The following NME5 variants were observed in gnomAD, a reference collection of about 807,000 sequenced individuals.
The protein encoded by NME5 is nucleoside diphosphate kinase 5.
In NME5, 18 loss-of-function variants were observed where a neutral mutation model predicts 21.6. That is an observed-to-expected ratio of 0.83 (90% CI 0.58 to 1.24). The LOEUF (loss-of-function observed/expected upper bound fraction) is 1.24, where lower values mean the gene tolerates loss of function less well. Ranked by LOEUF, NME5 falls within the 50% of genes most tolerant of loss-of-function variation. NME5 has a pLI of 0.00. For missense variants in NME5, 223 were observed against 255.4 expected (o/e 0.87, Z 0.86); for synonymous variants, 70 against 80.6 (o/e 0.87, Z 0.71).
At chr5:138,128,655 G>T in intron 3 of NME5, 76 bp from the exon 4 acceptor site, 1 of 953,656 alleles carries the variant, frequency 1.0e-6, no homozygotes, top group Non-Finnish European at 1.6e-6. Context: ...TTCCACTTAA[G>T]AATTTTACAA....
chr5:138,116,887 C>T (rs1407312964), intron 5 of NME5, among the ~76,000 whole-genome samples: 2 of 152,050 alleles, frequency 1.3e-5, no homozygotes, highest in East Asian at 1.9e-4. Flanking sequence ...CACAATGGAC[C>T]AATGACCTAA....
intron 2 of NME5, among the ~76,000 whole-genome samples, chr5:138,130,693 G>A (rs973949774): frequency 1.3e-5 from 2 of 151,982 alleles, no homozygotes; most frequent in African/African-American, 4.8e-5. Flanking sequence ...GGGAGGCCGA[G>A]GTGGGTGGAT....
At chr5:138,125,575 T>TG (rs1751379381) in intron 4 of NME5, among the ~76,000 whole-genome samples, 2 of 152,142 alleles carry the variant, frequency 1.3e-5, no homozygotes, top group Non-Finnish European at 2.9e-5. Context: ...AGAGACCCTG[T>TG]GACCACCCCC....
intron 2 of NME5, among the ~76,000 whole-genome samples, chr5:138,134,637 C>A (rs995209760): frequency 6.6e-6 from 1 of 152,166 alleles, no homozygotes; most frequent in African/African-American, 2.4e-5. Context: ...GCCTCATCCT[C>A]CCAAAGTGCT....
At chr5:138,119,973 G>A (rs1037909563) in intron 4 of NME5, among the ~76,000 whole-genome samples, 42 of 149,780 alleles carry the variant, frequency 2.8e-4, no homozygotes, top group Non-Finnish European at 5.2e-4. Context: ...GTCTTGCTCC[G>A]TTGCCCAGTC....
chr5:138,134,681 A>C (rs982382119), intron 2 of NME5, among the ~76,000 whole-genome samples: 6 of 151,020 alleles, frequency 4.0e-5, no homozygotes, highest in Non-Finnish European at 7.4e-5. Flanking sequence ...CGGCCGGCTA[A>C]TTTTTAATTT....
chr5:138,138,934 T>C (rs1751795148), intron 1 of NME5, 149 bp from the exon 2 acceptor site: 10 of 721,068 alleles, frequency 1.4e-5, no homozygotes, highest in Admixed American at 2.8e-5. Context: ...AGGTAGAAAC[T>C]GCCATGTTTT....
chr5:138,137,172 T>C (rs897561681), intron 2 of NME5, among the ~76,000 whole-genome samples: 4 of 152,180 alleles, frequency 2.6e-5, no homozygotes, highest in Admixed American at 6.5e-5. Flanking sequence ...TTCCTAACAT[T>C]TACTAAAAAG....
At chr5:138,120,290 G>A (rs1280376956) in intron 4 of NME5, among the ~76,000 whole-genome samples, 2 of 139,638 alleles carry the variant, frequency 1.4e-5, no homozygotes, top group Admixed American at 1.5e-4. Flanking sequence ...CTGGAGTGCA[G>A]TGCCGCGATC....
chr5:138,119,413 G>T (rs1299563105), intron 4 of NME5, among the ~76,000 whole-genome samples: 1 of 151,986 alleles, frequency 6.6e-6, no homozygotes, highest in African/African-American at 2.4e-5. Flanking sequence ...GGCCAGGCTG[G>T]TCTCAAACTC....
Position 138,115,525 on chromosome 5 carries a change from C to T in NME5, c.*156G>A. 2.1e-6 allele frequency: 1 copy of T among 468,556 alleles called. No homozygotes were observed. Among genetic ancestry groups the T allele is most frequent in the East Asian group, 3.3e-5 (1 of 30,744 alleles). 29.0% of individuals were successfully genotyped at this position (468,556 alleles called of 1,614,324 possible). On this transcript the variant is annotated 3_prime_UTR_variant, in exon 6 of 6. Transcript: ENST00000265191. ...CTATATTTTACCTTAATGTTATCTG[C>T]TTCATAGAATAGTTATTCCTTTAAC... is the stretch of plus-strand genomic sequence containing the variant.
rs1751507019 is a variant in NME5 at position 138,129,374 on chromosome 5, C to T, written c.224G>A (p.Ser75Asn). 4.3e-6 allele frequency: 7 copies of T among 1,613,810 alleles called. No individual in the cohort carries two copies. Among genetic ancestry groups the T allele is most frequent in the Non-Finnish European group, 5.9e-6 (7 of 1,179,866 alleles). Residue 75 changes from serine (S) to asparagine (N), a missense_variant, in exon 3 of 6, where the codon AGT becomes AAT. Ser to Asn is a conservative substitution (Grantham distance 46). Coordinates refer to ENST00000265191, the MANE Select transcript of NME5 (RefSeq NM_003551.3). ...TATCATGGCGACAAGTGGTCCAGAA[C>T]TCATGTAAGCTGTTAAGTTGGGGAA... The part of the protein sequence containing the change: ...MFFPNLTAYM[S>N]SGPLVAMILA...
At chr5:138,125,256 G>A (rs941129649) in intron 4 of NME5, among the ~76,000 whole-genome samples, 24 of 152,178 alleles carry the variant, frequency 1.6e-4, no homozygotes, top group African/African-American at 5.8e-4. Flanking sequence ...CATTTTGATA[G>A]CAGGGATATC....
In NME5 at chr5:138,135,602, T is replaced by G. The variant is rs568082258; in HGVS notation, c.129+3050A>C. On this transcript the variant is annotated intron_variant, in intron 2 of 5. Coordinates refer to ENST00000265191, the MANE Select transcript of NME5 (RefSeq NM_003551.3). ...CACCCGCCTTGGCCTCCCAAAGTGC[T>G]GGGTTTACAGGCATGAGCCACTGCA... Among the ~76,000 whole-genome samples, 16 of 152,228 alleles carry G rather than the reference T, an allele frequency of 1.1e-4. No individual in the cohort carries two copies. The East Asian group carries it at 2.9e-3, about 28-fold the overall frequency.
In NME5 at chr5:138,128,701, A is replaced by G. The variant is rs1751490414; in HGVS notation, c.336-122T>C. On this transcript the variant is annotated intron_variant, in intron 3 of 5. Coordinates refer to ENST00000265191, the MANE Select transcript of NME5 (RefSeq NM_003551.3). Reference sequence around the variant, plus strand: ...ACTTCTTACATATGAAAGCTTCACAATTTATGTCAAATTTAAGCTTAAATT... The same window carrying G: ...ACTTCTTACATATGAAAGCTTCACAGTTTATGTCAAATTTAAGCTTAAATT... The G allele has an allele frequency of 4.3e-5, 26 of 607,618 alleles. 1 individual carries two copies. In the South Asian group the frequency reaches 5.9e-4, roughly 14 times the overall value. The allele number at this position is 607,618 out of a possible 1,614,324, so 37.6% of individuals were successfully genotyped here.
At chr5:138,122,441 T>TA (rs70979581) in intron 4 of NME5, among the ~76,000 whole-genome samples, 29 of 34,458 alleles carry the variant, frequency 8.4e-4, no homozygotes, top group Admixed American at 2.4e-3. Flanking sequence ...ACTCTGTCTC[T>TA]AAAAAAAAAA....
chr5:138,119,991 T>C (rs1751247947), intron 4 of NME5, among the ~76,000 whole-genome samples: 1 of 151,968 alleles, frequency 6.6e-6, no homozygotes, highest in Non-Finnish European at 1.5e-5. Flanking sequence ...GTCTGGAGTG[T>C]GGTGGTGTGA....
At chr5:138,117,067 G>T (rs1751173264) in intron 5 of NME5, among the ~76,000 whole-genome samples, 1 of 151,698 alleles carries the variant, frequency 6.6e-6, no homozygotes. Context: ...AAATTAGCTG[G>T]GTGTGGTAGT....
intron 3 of NME5, 97 bp downstream of exon 3, chr5:138,129,166 T>TA (rs201748054): frequency 4.4e-3 from 4,214 of 957,956 alleles, no homozygotes; most frequent in Non-Finnish European, 5.1e-3. Flanking sequence ...AACTTCCAAA[T>TA]AAAAAAAAAA....
Sources: allele counts gnomAD v4.1 joint callset (sites outside exome capture counted in the v4.1 genomes callset), GRCh38; gene constraint gnomAD v4.1.1; transcripts MANE v1.5; gene names NCBI Gene and HGNC (gene_info 2026-07-23, HGNC 2026-07-21).